CCDC88A: variants seen among roughly 807,000 people sequenced by gnomAD.
CCDC88A encodes the protein girdin.
A neutral mutation model predicts 234.3 loss-of-function variants in CCDC88A; 54 were observed. The ratio of observed to expected loss-of-function variants is 0.23; its 90% CI spans 0.19 to 0.29. The LOEUF (loss-of-function observed/expected upper bound fraction) is 0.29, where lower values mean the gene tolerates loss of function less well. CCDC88A is among the 10% of genes least tolerant of loss of function. The pLI is 1.00. For synonymous variants in CCDC88A, 753 were observed against 737.8 expected (o/e 1.02, Z -0.33); for missense variants, 1,832 against 2,123.4 (o/e 0.86, Z 2.70).
chr2:55,339,721 A>G (rs1668243072), intron 12 of CCDC88A, 73 bp from the exon 13 acceptor site: 1 of 1,334,474 alleles, frequency 7.5e-7, no homozygotes, highest in Non-Finnish European at 1.0e-6. Context: ...TACTATTTAA[A>G]AAGTTGAGTG....
At chr2:55,400,213 A>AT (rs1558823562) in intron 2 of CCDC88A, among the ~76,000 whole-genome samples, 1 of 152,128 alleles carries the variant, frequency 6.6e-6, no homozygotes, top group Non-Finnish European at 1.5e-5. Flanking sequence ...ATACTATACC[A>AT]TTTTTTTCTA....
At chr2:55,402,199 G>T (rs1678815962) in intron 2 of CCDC88A, among the ~76,000 whole-genome samples, 1 of 152,060 alleles carries the variant, frequency 6.6e-6, no homozygotes, top group East Asian at 1.9e-4. Flanking sequence ...TCACCTAAAT[G>T]TAACAGTGTT....
chr2:55,376,044 G>C (rs1673616394), intron 3 of CCDC88A, among the ~76,000 whole-genome samples: 1 of 152,012 alleles, frequency 6.6e-6, no homozygotes, highest in South Asian at 2.1e-4. Context: ...GAACGTACAA[G>C]GTGATTCAGA....
At chr2:55,372,632 T>C (rs998685411) in intron 4 of CCDC88A, 122 bp from the exon 5 acceptor site, 1 of 542,784 alleles carries the variant, frequency 1.8e-6, no homozygotes, top group Non-Finnish European at 3.3e-6. Flanking sequence ...AGTCTAAGCA[T>C]ATGTAGTGGA....
chr2:55,311,264 G>A (rs937638185), intron 23 of CCDC88A, among the ~76,000 whole-genome samples: 4 of 152,198 alleles, frequency 2.6e-5, no homozygotes, highest in African/African-American at 9.7e-5. Context: ...AGCCCAAGTT[G>A]TCCAGCCACA....
chr2:55,359,387 A>G (rs547592827), intron 7 of CCDC88A, among the ~76,000 whole-genome samples: 2 of 152,160 alleles, frequency 1.3e-5, no homozygotes, highest in South Asian at 4.1e-4. Context: ...GAAACCTGGT[A>G]TTTTAAAAGT....
chr2:55,349,370 G>A (rs1669582205), intron 9 of CCDC88A, 148 bp downstream of exon 9: 1 of 606,604 alleles, frequency 1.6e-6, no homozygotes, highest in African/African-American at 1.9e-5. Flanking sequence ...TGAAGAGAGA[G>A]ACTCTGAAAA....
Position 55,328,520 on chromosome 2 carries a change from C to A in CCDC88A, c.2856-85G>T. The stretch of plus-strand genomic sequence containing the variant: ...TAATTTATGACCACAAATATTCATG[C>A]CATAAATGGGTCTTATAAAAGCATT... On this transcript the variant is annotated intron_variant, in intron 16 of 32. Transcript: ENST00000436346. This position sits in a 1 kb window ranked among gnomAD's most constrained non-coding sequence, Gnocchi z 4.3. 1.1e-6 allele frequency: 1 copy of A among 947,546 alleles called. No homozygotes were observed. The highest frequency in any genetic ancestry group is 1.5e-6 in the Non-Finnish European group (1 of 669,246). The allele number at this position is 947,546 out of a possible 1,614,324, so 58.7% of individuals were successfully genotyped here. A position where few individuals can be genotyped will look rare whatever the true frequency, so the allele number is the denominator to read the frequency against.
chr2:55,311,576 G>T (rs914158573), intron 23 of CCDC88A, among the ~76,000 whole-genome samples: 3 of 152,232 alleles, frequency 2.0e-5, no homozygotes, highest in African/African-American at 7.2e-5. Context: ...TGACTAGTCT[G>T]TGGTCACACT....
intron 14 of CCDC88A, 121 bp downstream of exon 14, chr2:55,336,560 A>T (rs189356963): frequency 2.5e-4 from 151 of 602,778 alleles, no homozygotes; most frequent in Admixed American, 8.4e-4. Flanking sequence ...ACTTTAAAAT[A>T]AAAAAATTCT....
chr2:55,400,552 G>A (rs1021195828), intron 2 of CCDC88A, among the ~76,000 whole-genome samples: 4 of 152,204 alleles, frequency 2.6e-5, no homozygotes, highest in African/African-American at 7.2e-5. Flanking sequence ...TAAACGGACA[G>A]TAGTATTATC....
chr2:55,337,052 T>C (rs967015150), intron 13 of CCDC88A: 10 of 346,292 alleles, frequency 2.9e-5, no homozygotes, highest in Non-Finnish European at 5.1e-5. Context: ...AATTTCACTT[T>C]CTAAACACAA....
chr2:55,310,418 C>A (rs1296874907), intron 23 of CCDC88A, among the ~76,000 whole-genome samples: 4 of 151,898 alleles, frequency 2.6e-5, no homozygotes, highest in Admixed American at 2.6e-4. Context: ...TCTGTTTTTA[C>A]AAAAAATACA....
chr2:55,357,319 C>CCTTT (rs1305083959), intron 7 of CCDC88A, among the ~76,000 whole-genome samples: 1 of 150,460 alleles, frequency 6.6e-6, no homozygotes, highest in Non-Finnish European at 1.5e-5. Context: ...TTCCTTCCTT[C>CCTTT]CTTCCTTCCT....
intron 2 of CCDC88A, among the ~76,000 whole-genome samples, chr2:55,390,684 G>A (rs1329810928): frequency 6.6e-6 from 1 of 152,202 alleles, no homozygotes; most frequent in Non-Finnish European, 1.5e-5. Context: ...GTGCTTTCCA[G>A]AATGAGGTAC....
In CCDC88A at chr2:55,339,446, C is replaced by T. The variant is rs1173220256; in HGVS notation, c.1518+18G>A. 1.4e-6 allele frequency: 2 copies of T among 1,464,462 alleles called. No individual in the cohort carries two copies. Among genetic ancestry groups the T allele is most frequent in the East Asian group, 4.7e-5 (2 of 42,672 alleles). 90.7% of individuals were successfully genotyped at this position (1,464,462 alleles called of 1,614,324 possible). A position where few individuals can be genotyped will look rare whatever the true frequency, so the allele number is the denominator to read the frequency against. On this transcript the variant is annotated intron_variant, in intron 13 of 32. Transcript: ENST00000436346. ...CAAGTTTTTTTAACATTAAAATAAA[C>T]ACTACATTTTAATTTACCTTTTTAC...
At chr2:55,299,773 TC>T (rs2104566147) in intron 29 of CCDC88A, 65 bp downstream of exon 29, 1 of 1,046,216 alleles carries the variant, frequency 9.6e-7, no homozygotes, top group South Asian at 1.4e-5. Flanking sequence ...AGAAACTTCA[TC>T]CCATCTCCCA....
chr2:55,294,767 A>G, intron 31 of CCDC88A: 1 of 1,003,568 alleles, frequency 1.0e-6, no homozygotes, highest in Non-Finnish European at 1.2e-6. Flanking sequence ...GCTTCTGGAT[A>G]TCAAAGTAAC....
At chr2:55,389,917 T>C (rs927299479) in intron 2 of CCDC88A, among the ~76,000 whole-genome samples, 1 of 151,450 alleles carries the variant, frequency 6.6e-6, no homozygotes, top group Admixed American at 6.6e-5. Flanking sequence ...GGCATGCAAC[T>C]GTAGTCGCAG....
Sources: gnomAD v4.1 joint callset for allele counts (sites outside exome capture counted in the v4.1 genomes callset) on GRCh38, gnomAD v4.1.1 for gene constraint, Gnocchi (gnomAD v3.1) non-coding constraint, MANE v1.5 for transcripts, NCBI Gene and HGNC (gene_info 2026-07-23, HGNC 2026-07-21) for gene names.